The following INSIG2 variants were observed in gnomAD, a reference collection of about 807,000 sequenced individuals.
The protein encoded by INSIG2 is insulin induced gene 2.
A neutral mutation model predicts 27.2 loss-of-function variants in INSIG2; 10 were observed. The ratio of observed to expected loss-of-function variants is 0.37; its 90% CI spans 0.23 to 0.62. The LOEUF (loss-of-function observed/expected upper bound fraction) is 0.62, where lower values mean the gene tolerates loss of function less well. Ranked by LOEUF, INSIG2 falls within the 20% of genes least tolerant of loss-of-function variation. The pLI is 0.65. For missense variants in INSIG2, 178 were observed against 270.2 expected, an observed-to-expected ratio of 0.66 and a Z score of 2.39; for synonymous variants, 97 against 95.8, an observed-to-expected ratio of 1.01 and a Z score of -0.07.
intron 3 of INSIG2, 45 bp downstream of exon 3, chr2:118,103,366 C>A: frequency 6.4e-7 from 1 of 1,555,166 alleles, no homozygotes; most frequent in Non-Finnish European, 8.8e-7. Flanking sequence ...AAAGTGGCTT[C>A]CAACAAACCA....
intron 1 of INSIG2, among the ~76,000 whole-genome samples, chr2:118,093,788 G>A (rs1678326897): frequency 9.3e-6 from 1 of 108,076 alleles, no homozygotes. Flanking sequence ...GCAACCAGAT[G>A]ATGATGTTGA....
In INSIG2 at chr2:118,103,320, C is replaced by T; in HGVS notation, c.368C>T (p.Ala123Val). 2 of 1,610,948 alleles carry T rather than the reference C, an allele frequency of 1.2e-6. No homozygotes were observed. Among genetic ancestry groups the T allele is most frequent in the Non-Finnish European group, 1.7e-6 (2 of 1,178,074 alleles). ...TTTGTTGGTATAAATCATGCCAGTG[C>T]TGTATCCTTTACTCTGTAATGAAAT... ...AVFVGINHASAKVDFDNNIQL... is the reference protein window; with the variant it reads ...AVFVGINHASVKVDFDNNIQL... Residue 123 changes from alanine (A) to valine (V), a missense_variant and splice_region_variant, in exon 3 of 6, where the codon GCT becomes GTT. Coordinates refer to ENST00000245787, the MANE Select transcript of INSIG2 (RefSeq NM_016133.4).
intron 1 of INSIG2, among the ~76,000 whole-genome samples, chr2:118,091,713 AT>A (rs1350577009): frequency 3.3e-5 from 5 of 152,254 alleles, no homozygotes; most frequent in Non-Finnish European, 7.3e-5. Context: ...ATTCAAATAA[AT>A]GTCAAGCAAA....
chr2:118,104,396 C>G (rs1187661295), intron 3 of INSIG2, among the ~76,000 whole-genome samples: 1 of 152,166 alleles, frequency 6.6e-6, no homozygotes, highest in East Asian at 1.9e-4. Context: ...GTTGTGCTGG[C>G]TGTTGCAGGT....
intron 5 of INSIG2, 27 bp downstream of exon 5, chr2:118,107,216 A>G (rs1244997882): frequency 4.0e-6 from 6 of 1,481,864 alleles, no homozygotes; most frequent in Non-Finnish European, 5.7e-6. Context: ...TTTTCTGAAT[A>G]AGATGTGGAA....
In INSIG2 at chr2:118,090,113, G is replaced by C. The variant is rs573782699; in HGVS notation, c.-139+1572G>C. The stretch of plus-strand genomic sequence containing the variant: ...AAGTCTGTTTTTTTCTAATGTTAGT[G>C]CTTATTCTATTTCAAGAATGCTATT... On this transcript the variant is annotated intron_variant, in intron 1 of 5. Transcript: ENST00000245787. Among the ~76,000 whole-genome samples, 12 of 152,240 alleles carry C rather than the reference G, an allele frequency of 7.9e-5. No homozygotes were observed. In the East Asian group the frequency reaches 2.3e-3, roughly 29 times the overall value.
chr2:118,091,787 A>G (rs1313221056), intron 1 of INSIG2, among the ~76,000 whole-genome samples: 2 of 152,238 alleles, frequency 1.3e-5, no homozygotes, highest in Non-Finnish European at 2.9e-5. Flanking sequence ...CTGCCAGGAA[A>G]GGTTAAATAA....
chr2:118,095,199 G>A (rs896329529), intron 1 of INSIG2, among the ~76,000 whole-genome samples: 2 of 152,174 alleles, frequency 1.3e-5, no homozygotes, highest in African/African-American at 2.4e-5. Context: ...TTTCTGTACC[G>A]ATTTATGAAA....
chr2:118,094,445 C>T (rs1345959931), intron 1 of INSIG2, among the ~76,000 whole-genome samples: 1 of 152,112 alleles, frequency 6.6e-6, no homozygotes, highest in African/African-American at 2.4e-5. Context: ...ATGGCATGCT[C>T]ATATGCCTGG....
chr2:118,103,869 A>G (rs1678610529), intron 3 of INSIG2, among the ~76,000 whole-genome samples: 1 of 152,142 alleles, frequency 6.6e-6, no homozygotes, highest in African/African-American at 2.4e-5. Flanking sequence ...ATATTTTCAA[A>G]GTTTTATTGT....
intron 3 of INSIG2, among the ~76,000 whole-genome samples, chr2:118,106,166 A>G (rs1195876083): frequency 6.6e-6 from 1 of 152,208 alleles, no homozygotes; most frequent in Non-Finnish European, 1.5e-5. Context: ...GACATAATAG[A>G]AAGGGATACT....
At chr2:118,089,254 T>G (rs1678168276) in intron 1 of INSIG2, among the ~76,000 whole-genome samples, 1 of 152,128 alleles carries the variant, frequency 6.6e-6, no homozygotes, top group South Asian at 2.1e-4. Flanking sequence ...CCAGTTAACG[T>G]TGGAAAAAGT....
chr2:118,100,033 T>G (rs1573573580), intron 2 of INSIG2, among the ~76,000 whole-genome samples: 1 of 152,188 alleles, frequency 6.6e-6, no homozygotes, highest in Admixed American at 6.5e-5. Context: ...CCTTGACTGC[T>G]TTTTTCTTCT....
Position 118,096,805 on chromosome 2 carries a change from G to T in INSIG2, c.244+5G>T. 1 of 1,610,938 alleles carries T rather than the reference G, an allele frequency of 6.2e-7. No individual in the cohort carries two copies. The highest frequency in any genetic ancestry group is 8.5e-7 in the Non-Finnish European group (1 of 1,179,592). ...CATGCTGTGGCACGGCTTCAGGTATGTGTAGGATGTTTCTGTAATGCTTAG... is the reference window on the plus strand; with the variant it reads ...CATGCTGTGGCACGGCTTCAGGTATTTGTAGGATGTTTCTGTAATGCTTAG... On this transcript the variant is annotated splice_donor_5th_base_variant and intron_variant, in intron 2 of 5. Coordinates refer to ENST00000245787, the MANE Select transcript of INSIG2 (RefSeq NM_016133.4).
At position 118,103,741 on chromosome 2, in the gene INSIG2, C is replaced by CT. The variant is rs989545046; in HGVS notation, c.369+431dup. 1.0e-3 allele frequency among the ~76,000 whole-genome samples: 149 copies of CT among 145,374 alleles called. 2 individuals carry two copies. Among genetic ancestry groups the CT allele is most frequent in the East Asian group, 4.0e-3 (20 of 5,034 alleles). ...TTTTGTTTTTCTTAACTTAAAGAAG[C>CT]TTTTTTTTTTTAAAGGTAGATGCAT... On this transcript the variant is annotated intron_variant, in intron 3 of 5. Transcript: ENST00000245787.
At chr2:118,101,103 A>G (rs948689573) in intron 2 of INSIG2, among the ~76,000 whole-genome samples, 2 of 152,214 alleles carry the variant, frequency 1.3e-5, no homozygotes, top group Non-Finnish European at 2.9e-5. Context: ...AAAAAGTACA[A>G]GAAGAGGAAA....
intron 2 of INSIG2, among the ~76,000 whole-genome samples, chr2:118,098,669 C>G (rs567610666): frequency 4.6e-5 from 7 of 152,196 alleles, no homozygotes; most frequent in Admixed American, 3.9e-4. Context: ...AGTAACAGGG[C>G]TGCACCTGCT....
intron 3 of INSIG2, 125 bp downstream of exon 3, chr2:118,103,446 T>C (rs1377648425): frequency 9.2e-6 from 7 of 757,638 alleles, no homozygotes; most frequent in Non-Finnish European, 1.5e-5. Flanking sequence ...AGAAGAAGAA[T>C]GTCAACCATA....
At chr2:118,104,902 ACT>A (rs571185312) in intron 3 of INSIG2, among the ~76,000 whole-genome samples, 2 of 152,062 alleles carry the variant, frequency 1.3e-5, no homozygotes, top group Non-Finnish European at 2.9e-5. Context: ...TGCTTTGTTC[ACT>A]CTCTTTCTCA....
Sources: gnomAD v4.1 joint callset for allele counts (sites outside exome capture counted in the v4.1 genomes callset) on GRCh38, gnomAD v4.1.1 for gene constraint, MANE v1.5 for transcripts, NCBI Gene and HGNC (gene_info 2026-07-23, HGNC 2026-07-21) for gene names.